Variants in ME3 observed in about 807,000 individuals in gnomAD.
ME3 encodes the protein NADP-dependent malic enzyme, mitochondrial.
ME3 carries 48 observed loss-of-function variants against 68.9 expected under a neutral mutation model. The ratio of observed to expected loss-of-function variants is 0.70; its 90% CI spans 0.55 to 0.89. ME3 has a LOEUF of 0.89. Among genes scored for constraint, ME3 ranks in the 40% least tolerant of loss-of-function variants. ME3 has a pLI of 0.00. For missense variants in ME3, 675 were observed against 797.4 expected, an observed-to-expected ratio of 0.85 and a Z score of 1.85; for synonymous variants, 320 against 318.8, an observed-to-expected ratio of 1.00 and a Z score of -0.04.
chr11:86,590,854 G>A (rs1959011449), intron 2 of ME3, among the ~76,000 whole-genome samples: 1 of 152,190 alleles, frequency 6.6e-6, no homozygotes, highest in South Asian at 2.1e-4. Context: ...TCCCTTTGAT[G>A]AGCCCACTAG....
At chr11:86,594,000 T>C (rs1199864747) in intron 2 of ME3, among the ~76,000 whole-genome samples, 1 of 146,384 alleles carries the variant, frequency 6.8e-6, no homozygotes, top group Non-Finnish European at 1.5e-5. Flanking sequence ...GACTCATTCT[T>C]TCATTCAACA....
chr11:86,602,184 T>C (rs1018287532), intron 2 of ME3, among the ~76,000 whole-genome samples: 8 of 151,292 alleles, frequency 5.3e-5, no homozygotes, highest in Non-Finnish European at 1.0e-4. Flanking sequence ...GCAGATGACA[T>C]GATTGTATAT....
chr11:86,458,689 G>C (rs1340285764), intron 8 of ME3, among the ~76,000 whole-genome samples: 14 of 152,118 alleles, frequency 9.2e-5, no homozygotes. Flanking sequence ...TTCATGGCAG[G>C]GGGAGAGATC....
At chr11:86,474,327 CCA>C (rs1468915093) in intron 7 of ME3, among the ~76,000 whole-genome samples, 2 of 152,208 alleles carry the variant, frequency 1.3e-5, no homozygotes, top group Admixed American at 1.3e-4. Context: ...CAAGTCTTGG[CCA>C]GACAGAAAAC....
intron 2 of ME3, among the ~76,000 whole-genome samples, chr11:86,655,188 A>G (rs1307499429): frequency 6.6e-6 from 1 of 152,240 alleles, no homozygotes; most frequent in Non-Finnish European, 1.5e-5. Context: ...TAATTTATAG[A>G]TTCAATGCTA....
chr11:86,463,911 A>C (rs1950348643), intron 8 of ME3, among the ~76,000 whole-genome samples: 1 of 151,956 alleles, frequency 6.6e-6, no homozygotes, highest in South Asian at 2.1e-4. Context: ...AAAGTTACTT[A>C]CTCTTTTTCT....
chr11:86,509,398 TCACACACACACACACA>T (rs3045014), intron 4 of ME3, among the ~76,000 whole-genome samples: 2 of 144,544 alleles, frequency 1.4e-5, no homozygotes, highest in African/African-American at 4.9e-5. Context: ...TACTCCATCA[TCACACACACACACACA>T]CACACACACA....
intron 7 of ME3, among the ~76,000 whole-genome samples, chr11:86,466,078 TGAG>T (rs1950464716): frequency 6.6e-6 from 1 of 152,222 alleles, no homozygotes; most frequent in African/African-American, 2.4e-5. Context: ...TAAAAATGAC[TGAG>T]TTTGTTCGAG....
chr11:86,464,858 T>C, intron 8 of ME3, among the ~76,000 whole-genome samples: 1 of 152,234 alleles, frequency 6.6e-6, no homozygotes, highest in Non-Finnish European at 1.5e-5. Flanking sequence ...ACATAATTCT[T>C]ACCTACCTCT....
chr11:86,658,635 G>A (rs925848461), intron 2 of ME3, among the ~76,000 whole-genome samples: 5 of 152,092 alleles, frequency 3.3e-5, no homozygotes, highest in Admixed American at 3.3e-4. Flanking sequence ...AGGATGCTTG[G>A]ACCCTCCAGT....
chr11:86,553,908 C>T (rs2139429329), intron 4 of ME3, among the ~76,000 whole-genome samples: 1 of 152,060 alleles, frequency 6.6e-6, no homozygotes, highest in Non-Finnish European at 1.5e-5. Context: ...TGGTGGTTGC[C>T]TGTCTACACT....
intron 4 of ME3, among the ~76,000 whole-genome samples, chr11:86,549,875 G>T (rs1324071687): frequency 6.6e-6 from 1 of 152,192 alleles, no homozygotes; most frequent in Non-Finnish European, 1.5e-5. Context: ...CTTGCTGAAG[G>T]TTGAGTTGGA....
In ME3 at chr11:86,499,091, G is replaced by A. The variant is rs568967205; in HGVS notation, c.544-967C>T. 1.6e-4 allele frequency among the ~76,000 whole-genome samples: 25 copies of A among 152,290 alleles called. 2 individuals are homozygous for A. The South Asian group carries it at 4.6e-3, about 28-fold the overall frequency. ...GGAGGATAACCCTTCATGGGTGAAC[G>A]GACACACATGCCCTACCTTGGACAG... On this transcript the variant is annotated intron_variant, in intron 5 of 14. Coordinates refer to ENST00000543262, the Ensembl canonical transcript of ME3.
At chr11:86,653,310 C>G (rs1945601856) in intron 2 of ME3, among the ~76,000 whole-genome samples, 1 of 152,154 alleles carries the variant, frequency 6.6e-6, no homozygotes, top group South Asian at 2.1e-4. Context: ...CAGCACCACA[C>G]CACACCCATT....
intron 2 of ME3, among the ~76,000 whole-genome samples, chr11:86,598,306 C>A (rs34920485): frequency 0.12 from 17,938 of 152,308 alleles, 1,234 homozygotes; most frequent in Middle Eastern, 0.16. Context: ...TATCCCGCAC[C>A]TGGCTTGGAG....
chr11:86,540,173 C>T (rs1289998845), intron 4 of ME3, among the ~76,000 whole-genome samples: 2 of 152,192 alleles, frequency 1.3e-5, no homozygotes, highest in Non-Finnish European at 2.9e-5. Flanking sequence ...GGAATAGAGG[C>T]CCCGAGTTCT....
chr11:86,656,550 A>T (rs1305459543), intron 2 of ME3, among the ~76,000 whole-genome samples: 1 of 146,318 alleles, frequency 6.8e-6, no homozygotes, highest in Non-Finnish European at 1.5e-5. Context: ...CTGAACAATG[A>T]GAACACATGG....
At chr11:86,533,135 C>T (rs1252986481) in intron 4 of ME3, among the ~76,000 whole-genome samples, 1 of 149,940 alleles carries the variant, frequency 6.7e-6, no homozygotes, top group Non-Finnish European at 1.5e-5. Context: ...CCAAAGTTAG[C>T]ATAAGAAAGG....
At chr11:86,478,216 A>C (rs1951191602) in intron 7 of ME3, among the ~76,000 whole-genome samples, 1 of 149,516 alleles carries the variant, frequency 6.7e-6, no homozygotes, top group African/African-American at 2.5e-5. Context: ...ATAGGCCCTG[A>C]GATAGGAATG....
Sources: allele counts gnomAD v4.1 joint callset (sites outside exome capture counted in the v4.1 genomes callset), GRCh38; gene constraint gnomAD v4.1.1; transcripts MANE v1.5; gene names NCBI Gene and HGNC (gene_info 2026-07-23, HGNC 2026-07-21).